Variants in ULK1 observed in about 807,000 individuals in gnomAD.
ULK1 encodes serine/threonine-protein kinase ULK1.
Under a neutral mutation model 117.5 loss-of-function variants are expected in ULK1, and 48 were observed. The ratio of observed to expected loss-of-function variants is 0.41; its 90% confidence interval spans 0.32 to 0.52. The LOEUF is 0.52. ULK1 is among the 20% of genes least tolerant of loss of function. The probability of loss-of-function intolerance (pLI) is 0.29; values close to 1 mark genes in which losing one functional copy is unlikely to be tolerated. For missense variants in ULK1, 1,387 were observed against 1,473.4 expected (o/e 0.94, Z 0.96); for synonymous variants, 790 against 637.8 (o/e 1.24, Z -3.60).
intron 3 of ULK1, among the ~76,000 whole-genome samples, chr12:131,906,146 T>G (rs1184814512): frequency 1.3e-5 from 2 of 151,674 alleles, no homozygotes; most frequent in Non-Finnish European, 2.9e-5. Flanking sequence ...CAGGCTGGAG[T>G]GCAGTGGCAC....
At chr12:131,920,560 T>C in intron 26 of ULK1, 1 of 201,724 alleles carries the variant, frequency 5.0e-6, no homozygotes, top group Non-Finnish European at 1.0e-5. Flanking sequence ...TGGTGCCCCC[T>C]TTTCGTTTAT....
Position 131,917,502 on chromosome 12 carries a change from T to C in ULK1, c.2274T>C (p.Ser758=), listed in dbSNP as rs772923263. The change falls in exon 22 of 28, where the codon TCT becomes TCC. Residue 758 remains serine (S), a synonymous_variant. Coordinates refer to ENST00000321867, the MANE Select transcript of ULK1 (RefSeq NM_003565.4). ...CCCCGGTGGTCTTCACCGTGGGCTC[T>C]CCCCCGAGCGGGAGCACGCCCCCCC... is the stretch of plus-strand genomic sequence containing the variant. ...SPSPVVFTVG[S]PPSGSTPPQG... The C allele has an allele frequency of 3.4e-6, 5 of 1,476,582 alleles. No individual in the cohort carries two copies. The highest frequency in any genetic ancestry group is 1.4e-5 in the South Asian group (1 of 72,132). The allele number at this position is 1,476,582 out of a possible 1,614,324, so 91.5% of individuals were successfully genotyped here.
intron 17 of ULK1, 23 bp downstream of exon 17, chr12:131,915,254 G>T (rs750117852): frequency 5.0e-6 from 8 of 1,605,590 alleles, no homozygotes; most frequent in Non-Finnish European, 6.8e-6. Flanking sequence ...GCTGGGGCCT[G>T]GGAAGGGGCG....
chr12:131,908,502 C>G (rs1593265077), intron 5 of ULK1, 142 bp from the exon 6 acceptor site: 2 of 1,042,908 alleles, frequency 1.9e-6, no homozygotes, highest in East Asian at 6.0e-5. Context: ...TGGCTTGTGC[C>G]CCTCCTGACC....
rs771919146 is a variant in ULK1, at chr12:131,895,019, C to T, written c.18C>T (p.Gly6=). 4 of 1,532,038 alleles carry T rather than the reference C, an allele frequency of 2.6e-6. No individual in the cohort carries two copies. The highest frequency in any genetic ancestry group is 2.9e-5 in the African/African-American group (2 of 69,786). The allele number at this position is 1,532,038 out of a possible 1,614,324, so 94.9% of individuals were successfully genotyped here. A position where few individuals can be genotyped will look rare whatever the true frequency, so the allele number is the denominator to read the frequency against. The change falls in exon 1 of 28, where the codon GGC becomes GGT. Residue 6 remains glycine (G), a synonymous_variant. Coordinates refer to ENST00000321867, the MANE Select transcript of ULK1 (RefSeq NM_003565.4). ...CCTGCGCCATGGAGCCCGGCCGCGG[C>T]GGCACAGAGACCGTGGGCAAGTTCG... MEPGR[G]GTETVGKFEF...
intron 25 of ULK1, 167 bp from the exon 26 acceptor site, chr12:131,919,812 A>AC: frequency 8.8e-7 from 1 of 1,136,252 alleles, no homozygotes; most frequent in Non-Finnish European, 1.2e-6. Flanking sequence ...GTCGGATGGC[A>AC]CCCGGGACAA....
Position 131,906,876 on chromosome 12 carries a change from CTT to C in ULK1, c.247-13_247-12del. 1 of 1,614,052 alleles carries C rather than the reference CTT, an allele frequency of 6.2e-7. No homozygotes were observed. Among genetic ancestry groups the C allele is most frequent in the South Asian group, 1.1e-5 (1 of 91,090 alleles). On this transcript the variant is annotated splice_polypyrimidine_tract_variant and intron_variant, in intron 3 of 27. Coordinates refer to ENST00000321867, the MANE Select transcript of ULK1 (RefSeq NM_003565.4). ...GTGGCACTGGGACCTCTCACAGCCT[CTT>C]TTCTGTCTTGCAGGAAATGGCTAAT...
rs373309897 is a variant in ULK1, at chr12:131,910,000, C to T, written c.807C>T (p.Phe269=). The change falls in exon 10 of 28, where the codon TTC becomes TTT. Residue 269 remains phenylalanine (F), a splice_region_variant and synonymous_variant. Transcript: ENST00000321867. The part of the protein sequence containing the change: ...LQRNHKDRMD[F]DEFFHHPFLD... ...GCAACCACAAGGACCGCATGGACTT[C>T]GGTGAGCACCCACCAGGGGCGCAGC... 5.6e-5 allele frequency: 90 copies of T among 1,611,550 alleles called. No individual in the cohort carries two copies. Among genetic ancestry groups the T allele is most frequent in the African/African-American group, 2.4e-4 (18 of 74,938 alleles).
chr12:131,905,893 G>A (rs890288744), intron 3 of ULK1, among the ~76,000 whole-genome samples: 11 of 152,120 alleles, frequency 7.2e-5, no homozygotes, highest in Non-Finnish European at 1.3e-4. Flanking sequence ...TGGCACCCCC[G>A]GTCAGGTCTG....
intron 26 of ULK1, chr12:131,920,693 C>T (rs1244340898): frequency 4.7e-6 from 1 of 212,758 alleles, no homozygotes; most frequent in Non-Finnish European, 9.5e-6. Context: ...CTGGGTATTA[C>T]AGGCAAAAAC....
intron 15 of ULK1, 24 bp downstream of exon 15, chr12:131,913,860 G>C (rs777867982): frequency 6.7e-7 from 1 of 1,490,576 alleles, no homozygotes; most frequent in Non-Finnish European, 8.9e-7. Flanking sequence ...CAGGCTGGGT[G>C]GATGGGGCTG....
intron 3 of ULK1, chr12:131,897,846 C>G (rs1012786896): frequency 6.6e-6 from 1 of 152,002 alleles, no homozygotes; most frequent in African/African-American, 2.4e-5. Flanking sequence ...CTGCAGTGAG[C>G]CGTGATGTTG....
Position 131,895,648 on chromosome 12 carries a change from C to T in ULK1, c.159C>T (p.Leu53=). The change falls in exon 2 of 28, where the codon CTC becomes CTT. Residue 53 remains leucine, a synonymous_variant. Transcript: ENST00000321867. ...TCAAGTGCATTAACAAGAAGAACCT[C>T]GCCAAGTCTCAGACGCTGCTGGGGA... ...VAVKCINKKN[L]AKSQTLLGKE... 6.2e-7 allele frequency: 1 copy of T among 1,614,120 alleles called. No individual in the cohort carries two copies. Among genetic ancestry groups the T allele is most frequent in the Non-Finnish European group, 8.5e-7 (1 of 1,180,000 alleles).
At chr12:131,914,259 T>C (rs2136399901) in intron 15 of ULK1, 93 bp from the exon 16 acceptor site, 1 of 1,548,774 alleles carries the variant, frequency 6.5e-7, no homozygotes, top group African/African-American at 1.4e-5. Context: ...CTAGGAAGTC[T>C]GGGCCTAGGC....
At chr12:131,909,678 TG>T in intron 8 of ULK1, 96 bp from the exon 9 acceptor site, 3 of 1,307,838 alleles carry the variant, frequency 2.3e-6, no homozygotes, top group Non-Finnish European at 3.1e-6. Context: ...TCGCAGCGTC[TG>T]GGGCAGGGGC....
chr12:131,916,531 A>G lies in ULK1; in HGVS notation c.2012A>G (p.His671Arg), dbSNP rs1485813987. 1.2e-6 allele frequency: 2 copies of G among 1,610,540 alleles called. No individual in the cohort carries two copies. Among genetic ancestry groups the G allele is most frequent in the Non-Finnish European group, 8.5e-7 (1 of 1,179,562 alleles). ...GACCTCTCGGAGGTGGGACCCTTCC[A>G]TGGTCAGCCGTTGGGCCCTGGCCTG... ...LPDLSEVGPF[H>R]GQPLGPGLRP... The change falls in exon 20 of 28, where the codon CAT (histidine) becomes CGT (arginine). Residue 671 changes from histidine to arginine, a missense_variant. By Grantham distance (29) the His-to-Arg change is conservative. This residue lies in a region of ULK1 where 900 missense variants were observed against 858.9 expected (regional missense o/e 1.05). Transcript: ENST00000321867.
chr12:131,918,369 G>A (rs534618842), intron 22 of ULK1, 128 bp from the exon 23 acceptor site: 39 of 1,126,162 alleles, frequency 3.5e-5, no homozygotes, highest in Non-Finnish European at 4.7e-5. Context: ...TTGGAGCATT[G>A]GGATATAACA....
chr12:131,894,926 C>T lies in ULK1; in HGVS notation c.-76C>T. ...CCCCGCGCCCCCGGCCCGCCCGCCC[C>T]GGCCCGCGCCTCCGCCTGAGTCCCC... On this transcript the variant is annotated 5_prime_UTR_variant, in exon 1 of 28. Coordinates refer to ENST00000321867, the MANE Select transcript of ULK1 (RefSeq NM_003565.4). The T allele has an allele frequency of 3.3e-6, 1 of 305,254 alleles. No homozygotes were observed. The highest frequency in any genetic ancestry group is 1.8e-4 in the East Asian group (1 of 5,424). 18.9% of individuals were successfully genotyped at this position (305,254 alleles called of 1,614,324 possible).
rs1163861479 is a variant in ULK1, at chr12:131,922,711, G to A, written c.*1350G>A. 6.6e-6 allele frequency: 1 copy of A among 152,566 alleles called. No individual in the cohort carries two copies. Among genetic ancestry groups the A allele is most frequent in the Non-Finnish European group, 1.5e-5 (1 of 68,142 alleles). The allele number at this position is 152,566 out of a possible 1,614,324, so 9.5% of individuals were successfully genotyped here. On this transcript the variant is annotated 3_prime_UTR_variant, in exon 28 of 28. Transcript: ENST00000321867. ...GTGGTGGGGCCATGGACCCATGCGG[G>A]GGGTTCCAGGGTCACACGCCACATA...
Sources: allele counts gnomAD v4.1 joint callset (sites outside exome capture counted in the v4.1 genomes callset), GRCh38; gene constraint gnomAD v4.1.1; regional missense constraint gnomAD v4.1.1; transcripts MANE v1.5; gene names NCBI Gene and HGNC (gene_info 2026-07-23, HGNC 2026-07-21).